The following CSGALNACT2 variants were observed in gnomAD, a reference collection of about 807,000 sequenced individuals.
CSGALNACT2 encodes beta 4 GalNAcT-2.
Under a neutral mutation model 55.3 loss-of-function variants are expected in CSGALNACT2, and 35 were observed. That is an observed-to-expected ratio of 0.63 (90% CI 0.48 to 0.84). The LOEUF (loss-of-function observed/expected upper bound fraction) is 0.84, where lower values mean the gene tolerates loss of function less well. CSGALNACT2 is among the 40% of genes least tolerant of loss of function. The probability of loss-of-function intolerance (pLI) is 0.00; values close to 1 mark genes in which losing one functional copy is unlikely to be tolerated. For missense variants in CSGALNACT2, 544 were observed against 657.5 expected (o/e 0.83, Z 1.89); for synonymous variants, 196 against 224.9 (o/e 0.87, Z 1.15).
At chr10:43,168,383 G>A (rs992392541) in intron 6 of CSGALNACT2, among the ~76,000 whole-genome samples, 29 of 152,156 alleles carry the variant, frequency 1.9e-4, no homozygotes, top group African/African-American at 7.0e-4. Flanking sequence ...CCTGGGAGGC[G>A]GAGGTTGCAA....
intron 1 of CSGALNACT2, among the ~76,000 whole-genome samples, chr10:43,144,351 A>G (rs1425700970): frequency 6.6e-6 from 1 of 152,184 alleles, no homozygotes; most frequent in African/African-American, 2.4e-5. Context: ...GGGTCTTATT[A>G]TTATGTAAGG....
chr10:43,173,014 C>T (rs994277683), intron 6 of CSGALNACT2, among the ~76,000 whole-genome samples: 1 of 152,108 alleles, frequency 6.6e-6, no homozygotes, highest in Non-Finnish European at 1.5e-5. Context: ...GCTTGTTCAG[C>T]CTCTGGAAGG....
At chr10:43,160,429 T>G in intron 3 of CSGALNACT2, 65 bp from the exon 4 acceptor site, 1 of 797,482 alleles carries the variant, frequency 1.3e-6, no homozygotes, top group Non-Finnish European at 2.1e-6. Flanking sequence ...CTTCATGTGG[T>G]TGCTTTCTTA....
intron 6 of CSGALNACT2, among the ~76,000 whole-genome samples, chr10:43,174,486 C>A (rs1214548889): frequency 6.6e-6 from 1 of 152,166 alleles, no homozygotes. Context: ...GCTGGCCCTT[C>A]CCCTGGGCTT....
At chr10:43,180,989 A>C (rs747285686) in intron 7 of CSGALNACT2, among the ~76,000 whole-genome samples, 23 of 152,222 alleles carry the variant, frequency 1.5e-4, no homozygotes, top group Non-Finnish European at 2.6e-4. Context: ...AATAATGACA[A>C]CATGCTGTGG....
At chr10:43,149,869 A>G (rs1838838907) in intron 1 of CSGALNACT2, among the ~76,000 whole-genome samples, 1 of 152,162 alleles carries the variant, frequency 6.6e-6, no homozygotes, top group Non-Finnish European at 1.5e-5. Flanking sequence ...AGAGTTCAAG[A>G]CCAGCCTGAC....
Position 43,183,565 on chromosome 10 carries a change from T to C in CSGALNACT2, c.*23T>C. 1 of 1,599,382 alleles carries C rather than the reference T, an allele frequency of 6.3e-7. No homozygotes were observed. The highest frequency in any genetic ancestry group is 2.2e-5 in the East Asian group (1 of 44,670). On this transcript the variant is annotated 3_prime_UTR_variant, in exon 8 of 8. Transcript: ENST00000374466. ...TGAAATCATAATTAATGCGTTACTG[T>C]ATGAACCACAAAACAGCACTATTTA...
Position 43,139,817 on chromosome 10 carries a change from A to G in CSGALNACT2, c.-254+1250A>G, listed in dbSNP as rs191372493. ...CATGGTATTGTATTATTACTGTGTA[A>G]TAGTCTATTGAATAATATGTGACTA... On this transcript the variant is annotated intron_variant, in intron 1 of 7. Coordinates refer to ENST00000374466, the MANE Select transcript of CSGALNACT2 (RefSeq NM_018590.5). Among the ~76,000 whole-genome samples the G allele has an allele frequency of 1.5e-4, 23 of 152,354 alleles. No homozygotes were observed. The East Asian group carries it at 1.7e-3, about 11-fold the overall frequency.
intron 6 of CSGALNACT2, among the ~76,000 whole-genome samples, chr10:43,171,573 G>A (rs533862592): frequency 5.9e-5 from 9 of 152,058 alleles, no homozygotes; most frequent in East Asian, 1.9e-4. Context: ...GACTGGTCTC[G>A]AACTCCTGAC....
chr10:43,141,241 G>A (rs1588887367), intron 1 of CSGALNACT2, among the ~76,000 whole-genome samples: 2 of 150,792 alleles, frequency 1.3e-5, no homozygotes, highest in South Asian at 2.1e-4. Flanking sequence ...TTTTTGAGAC[G>A]GAGTCTGGCT....
In CSGALNACT2 at chr10:43,142,644, C is replaced by A. The variant is rs1243852588; in HGVS notation, c.-254+4077C>A. ...ATCATCTGTGACTGCTTTTGTGCTG[C>A]AAAGGCAGAATCAACTGGTTGTGAC... is the stretch of plus-strand genomic sequence containing the variant. On this transcript the variant is annotated intron_variant, in intron 1 of 7. Transcript: ENST00000374466. 1.6e-4 allele frequency among the ~76,000 whole-genome samples: 24 copies of A among 152,216 alleles called. 1 individual carries two copies. The highest frequency in any genetic ancestry group is 1.6e-3 in the Admixed American group (24 of 15,282).
intron 3 of CSGALNACT2, 58 bp from the exon 4 acceptor site, chr10:43,160,436 C>A (rs951070817): frequency 1.2e-6 from 1 of 865,668 alleles, no homozygotes; most frequent in Non-Finnish European, 1.9e-6. Flanking sequence ...TGGTTGCTTT[C>A]TTAATGAATA....
intron 1 of CSGALNACT2, among the ~76,000 whole-genome samples, chr10:43,148,981 C>G (rs1838818510): frequency 6.6e-6 from 1 of 152,178 alleles, no homozygotes; most frequent in African/African-American, 2.4e-5. Context: ...GGAAGGCATA[C>G]AGTCTTTCAT....
intron 6 of CSGALNACT2, 51 bp from the exon 7 acceptor site, chr10:43,175,900 T>A (rs1263017456): frequency 3.4e-6 from 5 of 1,485,250 alleles, no homozygotes; most frequent in Non-Finnish European, 4.6e-6. Flanking sequence ...GATTAAAACT[T>A]CTGCTTCTTA....
At chr10:43,176,858 T>G (rs1020080100) in intron 7 of CSGALNACT2, among the ~76,000 whole-genome samples, 6 of 152,188 alleles carry the variant, frequency 3.9e-5, no homozygotes, top group African/African-American at 1.4e-4. Flanking sequence ...TGAGCCACCA[T>G]GCCCAGCCCC....
intron 1 of CSGALNACT2, among the ~76,000 whole-genome samples, chr10:43,139,379 G>C (rs899936050): frequency 9.2e-5 from 14 of 152,168 alleles, no homozygotes; most frequent in Non-Finnish European, 4.4e-5. Context: ...GTTTAAAGTT[G>C]TCATGTAACT....
intron 1 of CSGALNACT2, among the ~76,000 whole-genome samples, chr10:43,151,115 T>C (rs979499976): frequency 1.3e-5 from 2 of 152,228 alleles, no homozygotes; most frequent in African/African-American, 4.8e-5. Flanking sequence ...AATACAGTTA[T>C]GATAGCTGTT....
At chr10:43,145,858 G>A (rs1025709284) in intron 1 of CSGALNACT2, among the ~76,000 whole-genome samples, 4 of 152,006 alleles carry the variant, frequency 2.6e-5, no homozygotes, top group Non-Finnish European at 5.9e-5. Flanking sequence ...TTACAGACCT[G>A]GTCTCCATCT....
At chr10:43,161,219 T>C (rs1230413714) in intron 4 of CSGALNACT2, among the ~76,000 whole-genome samples, 1 of 152,246 alleles carries the variant, frequency 6.6e-6, no homozygotes, top group East Asian at 1.9e-4. Flanking sequence ...GGCCCAAAGA[T>C]AACGACTTAA....
Sources: allele counts gnomAD v4.1 joint callset (sites outside exome capture counted in the v4.1 genomes callset), GRCh38; gene constraint gnomAD v4.1.1; transcripts MANE v1.5; gene names NCBI Gene and HGNC (gene_info 2026-07-23, HGNC 2026-07-21).